ATG4A: variants seen among roughly 807,000 people sequenced by gnomAD.
ATG4A encodes cysteine protease ATG4A.
A neutral mutation model predicts 38.4 loss-of-function variants in ATG4A; 22 were observed. The ratio of observed to expected loss-of-function variants is 0.57; its 90% CI spans 0.41 to 0.82. The LOEUF (loss-of-function observed/expected upper bound fraction) is 0.82. Among genes scored for constraint, ATG4A ranks in the 40% least tolerant of loss-of-function variants. ATG4A has a pLI of 0.00. For missense variants in ATG4A, 220 were observed against 290.0 expected (o/e 0.76, Z 1.75); for synonymous variants, 86 against 100.7 (o/e 0.85, Z 0.88).
At chrX:108,141,542 T>TC (rs2033295562) in intron 9 of ATG4A, among the ~76,000 whole-genome samples, 1 of 111,339 alleles carries the variant, frequency 9.0e-6, no homozygotes, top group Non-Finnish European at 1.9e-5. Flanking sequence ...CTTCCATTGC[T>TC]CCCCCAGGGC....
chrX:108,104,587 G>A (rs762773094), intron 1 of ATG4A, among the ~76,000 whole-genome samples: 1 of 111,223 alleles, frequency 9.0e-6, no homozygotes, highest in Non-Finnish European at 1.9e-5. Context: ...CTTTGTCTTG[G>A]ACTTTTGACA....
At chrX:108,089,749 C>T (rs1346872592), upstream of ATG4A, among the ~76,000 whole-genome samples, 1 of 111,055 alleles carries the variant, frequency 9.0e-6, no homozygotes, top group Non-Finnish European at 1.9e-5. Context: ...AGGGGAATCG[C>T]TTGAACCCGG....
At chrX:108,140,695 A>G (rs112614098) in intron 9 of ATG4A, among the ~76,000 whole-genome samples, 2 of 102,132 alleles carry the variant, frequency 2.0e-5, no homozygotes, top group African/African-American at 7.0e-5. Context: ...AAATGTATAA[A>G]TGTATATATA....
intron 4 of ATG4A, among the ~76,000 whole-genome samples, chrX:108,132,798 GAA>G (rs1336061229): frequency 8.4e-5 from 6 of 71,226 alleles, no homozygotes; most frequent in African/African-American, 2.6e-4. Flanking sequence ...GAGCAAACTG[GAA>G]AAAAAAAAAA....
intron 9 of ATG4A, among the ~76,000 whole-genome samples, chrX:108,149,337 C>G (rs2033521676): frequency 8.9e-6 from 1 of 112,812 alleles, no homozygotes; most frequent in Admixed American, 9.3e-5. Flanking sequence ...CAGCCTGTGG[C>G]TGATGAACAT....
At chrX:108,132,988 G>A (rs886404896) in intron 4 of ATG4A, among the ~76,000 whole-genome samples, 2 of 111,622 alleles carry the variant, frequency 1.8e-5, no homozygotes, top group African/African-American at 6.5e-5. Context: ...TGCCATTGTC[G>A]TCAGTGAATA....
intron 4 of ATG4A, among the ~76,000 whole-genome samples, chrX:108,133,654 T>C (rs1312749437): frequency 8.9e-6 from 1 of 112,320 alleles, no homozygotes; most frequent in African/African-American, 3.2e-5. Context: ...CAAAAGCCAT[T>C]GCTGTCTATG....
rs1307781895 is a variant in ATG4A at position 108,153,862 on chromosome X, C to T, written c.*150C>T. On this transcript the variant is annotated 3_prime_UTR_variant, in exon 13 of 13. Coordinates refer to ENST00000372232, the MANE Select transcript of ATG4A (RefSeq NM_052936.5). ...ATCATGACTGAGCCAATCACTGTTT[C>T]TCAGAAAAACAAAACAAAACAAAAC... 2.3e-6 allele frequency: 1 copy of T among 439,204 alleles called. No homozygotes were observed. The highest frequency in any genetic ancestry group is 4.0e-6 in the Non-Finnish European group (1 of 252,486). 36.2% of individuals were successfully genotyped at this position (439,204 alleles called of 1,213,427 possible).
chrX:108,121,252 G>A (rs2032640976), intron 1 of ATG4A, among the ~76,000 whole-genome samples: 1 of 111,172 alleles, frequency 9.0e-6, no homozygotes, highest in Admixed American at 9.5e-5. Context: ...CAGAGCCTTG[G>A]TCTTCTGGCT....
intron 12 of ATG4A, 83 bp from the exon 13 acceptor site, chrX:108,153,559 C>T: frequency 1.3e-6 from 1 of 765,182 alleles, no homozygotes; most frequent in Middle Eastern, 2.9e-4. Context: ...AATGCTTAGT[C>T]TTAACTACTG....
At chrX:108,113,753 C>T (rs1043673598) in intron 1 of ATG4A, among the ~76,000 whole-genome samples, 2 of 111,565 alleles carry the variant, frequency 1.8e-5, no homozygotes, top group African/African-American at 6.5e-5. Context: ...CTGATAAACC[C>T]ATCAGCTCTC....
chrX:108,149,201 A>G (rs1353737351), intron 9 of ATG4A, among the ~76,000 whole-genome samples: 2 of 112,399 alleles, frequency 1.8e-5, no homozygotes, highest in African/African-American at 3.2e-5. Context: ...ATCCCTCCCT[A>G]CCCCAGTCTT....
chrX:108,151,010 AT>A (rs1339011637), intron 10 of ATG4A, among the ~76,000 whole-genome samples: 3 of 112,450 alleles, frequency 2.7e-5, no homozygotes, highest in Non-Finnish European at 5.6e-5. Flanking sequence ...TAAGCATTCT[AT>A]AAATGTTAGT....
In ATG4A at chrX:108,094,493, T is replaced by C. The variant is rs1157781583; in HGVS notation, c.10+2657T>C. Reference sequence around the variant, plus strand: ...CCACATTACGTTTAGTCATTGTATCTCCTTAGCCTCTTCTGGTTTGTGACA... The same window carrying C: ...CCACATTACGTTTAGTCATTGTATCCCCTTAGCCTCTTCTGGTTTGTGACA... On this transcript the variant is annotated intron_variant, in intron 1 of 12. Coordinates refer to ENST00000372232, the MANE Select transcript of ATG4A (RefSeq NM_052936.5). Among the ~76,000 whole-genome samples the C allele has an allele frequency of 6.3e-5, 7 of 111,596 alleles. No individual in the cohort carries two copies. In the Admixed American group the frequency reaches 6.6e-4, roughly 11 times the overall value.
intron 10 of ATG4A, 104 bp downstream of exon 10, chrX:108,150,401 C>T: frequency 9.7e-7 from 1 of 1,035,145 alleles, no homozygotes; most frequent in Non-Finnish European, 1.3e-6. Context: ...TATGTTTGCT[C>T]ACTATCCCCA....
At chrX:108,118,910 A>G (rs1244658155) in intron 1 of ATG4A, among the ~76,000 whole-genome samples, 3 of 112,121 alleles carry the variant, frequency 2.7e-5, no homozygotes, top group South Asian at 3.7e-4. Flanking sequence ...TAAGGTTCCT[A>G]TCTTTAATTC....
intron 1 of ATG4A, among the ~76,000 whole-genome samples, chrX:108,100,071 G>A (rs2031955966): frequency 9.0e-6 from 1 of 111,603 alleles, no homozygotes; most frequent in Admixed American, 9.5e-5. Context: ...ACTATGCTGA[G>A]TCTTCCAATC....
chrX:108,126,926 C>T (rs1030726159), intron 2 of ATG4A: 16 of 380,595 alleles, frequency 4.2e-5, no homozygotes, highest in Non-Finnish European at 6.3e-5. Flanking sequence ...CCTCACTTAG[C>T]GTGGAGGAAG....
At chrX:108,093,672 G>C (rs2031711538) in intron 1 of ATG4A, among the ~76,000 whole-genome samples, 1 of 112,178 alleles carries the variant, frequency 8.9e-6, no homozygotes, top group Non-Finnish European at 1.9e-5. Flanking sequence ...GCAACATTTT[G>C]CACTTCCACT....
Sources: gnomAD v4.1 joint callset for allele counts (sites outside exome capture counted in the v4.1 genomes callset) on GRCh38, gnomAD v4.1.1 for gene constraint, MANE v1.5 for transcripts, NCBI Gene and HGNC (gene_info 2026-07-23, HGNC 2026-07-21) for gene names.